The following CACNG7 variants were observed in gnomAD, a reference collection of about 807,000 sequenced individuals.
CACNG7 encodes the protein calcium voltage-gated channel auxiliary subunit gamma 7.
CACNG7 carries 9 observed loss-of-function variants against 26.3 expected under a neutral mutation model. That is an observed-to-expected ratio of 0.34 (90% CI 0.21 to 0.60). CACNG7 has a LOEUF of 0.60. Ranked by LOEUF, CACNG7 falls within the 20% of genes least tolerant of loss-of-function variation. The pLI is 0.81. For missense variants in CACNG7, 297 were observed against 380.4 expected (o/e 0.78, Z 1.82); for synonymous variants, 170 against 157.0 (o/e 1.08, Z -0.62).
chr19:53,921,083 TC>T (rs533393840), intron 4 of CACNG7, among the ~76,000 whole-genome samples: 3 of 80,556 alleles, frequency 3.7e-5, no homozygotes, highest in Non-Finnish European at 6.7e-5. Flanking sequence ...CCAGGTCTGG[TC>T]ATTGGTGGAG....
chr19:53,928,307 T>C (rs957388339), intron 4 of CACNG7, among the ~76,000 whole-genome samples: 1 of 152,168 alleles, frequency 6.6e-6, no homozygotes, highest in African/African-American at 2.4e-5. Context: ...TGTCTTGCTC[T>C]GTTGCCCAGG....
intron 4 of CACNG7, among the ~76,000 whole-genome samples, chr19:53,923,833 T>A (rs1346114986): frequency 2.3e-5 from 3 of 132,782 alleles, no homozygotes; most frequent in Non-Finnish European, 4.7e-5. Flanking sequence ...GGTCTGGTCA[T>A]TGGTGGAGTT....
At chr19:53,941,402 A>G in intron 4 of CACNG7, 68 bp from the exon 5 acceptor site, 2 of 1,448,136 alleles carry the variant, frequency 1.4e-6, no homozygotes, top group Non-Finnish European at 9.1e-7. Flanking sequence ...GAAGGCAGTG[A>G]GGTGGGGCTG....
intron 4 of CACNG7, among the ~76,000 whole-genome samples, chr19:53,926,446 T>C (rs1393806805): frequency 2.0e-5 from 3 of 152,084 alleles, no homozygotes; most frequent in Non-Finnish European, 2.9e-5. Context: ...ACCCTAATTC[T>C]CAGAAGCCTC....
chr19:53,938,235 C>T (rs1459744592), intron 4 of CACNG7, among the ~76,000 whole-genome samples: 2 of 152,082 alleles, frequency 1.3e-5, no homozygotes, highest in Non-Finnish European at 2.9e-5. Flanking sequence ...GTTGTCCCAG[C>T]TACTCATGAG....
At chr19:53,915,333 CT>C (rs2068889107) in intron 3 of CACNG7, 31 bp from the exon 4 acceptor site, 1 of 1,551,576 alleles carries the variant, frequency 6.4e-7, no homozygotes. Flanking sequence ...AGATTCCCCC[CT>C]CACCCCTGTC....
intron 4 of CACNG7, among the ~76,000 whole-genome samples, chr19:53,932,894 GCCTCC>G (rs1568782394): frequency 7.3e-6 from 1 of 137,346 alleles, no homozygotes; most frequent in Non-Finnish European, 1.5e-5. Flanking sequence ...TGCAACCTCC[GCCTCC>G]CAGGTTAAAG....
At chr19:53,934,196 T>C (rs112260020) in intron 4 of CACNG7, among the ~76,000 whole-genome samples, 10,033 of 152,270 alleles carry the variant, frequency 0.066, 1,129 homozygotes, top group African/African-American at 0.23. Flanking sequence ...TGCTCCCAGC[T>C]GCATCTTGAA....
intron 4 of CACNG7, among the ~76,000 whole-genome samples, chr19:53,921,287 TCAGGTCTGGTCATTGGTGGACTTGCCC>T (rs2068948080): frequency 2.7e-4 from 9 of 33,344 alleles, no homozygotes; most frequent in South Asian, 1.9e-3. Flanking sequence ...TGGAGTTGCC[TCAGGTCTGGTCATTGGTGGACTTGCCC>T]CAGGTCTGGT....
At position 53,942,672 on chromosome 19, in the gene CACNG7, G is replaced by A. The variant is rs867021820; in HGVS notation, c.*379G>A. 8.6e-5 allele frequency: 68 copies of A among 787,690 alleles called. No individual in the cohort carries two copies. In the African/African-American group the frequency reaches 1.2e-3, roughly 14 times the overall value. The allele number at this position is 787,690 out of a possible 1,614,324, so 48.8% of individuals were successfully genotyped here. ...CAGCTCCCCAGAGCTCCCCAACCTC[G>A]GACCTCACCGCAGGGGCGCTGGGCT... On this transcript the variant is annotated 3_prime_UTR_variant, in exon 6 of 6. Coordinates refer to ENST00000391767, the MANE Select transcript of CACNG7 (RefSeq NM_031896.5). The surrounding 1 kb of genome is among the most constrained non-coding windows in gnomAD (Gnocchi z 5.9).
At chr19:53,914,384 G>A in intron 2 of CACNG7, 116 bp from the exon 3 acceptor site, 1 of 754,622 alleles carries the variant, frequency 1.3e-6, no homozygotes, top group East Asian at 2.7e-5. Context: ...TAACCCTTGG[G>A]TTAGGCCTTG....
chr19:53,915,949 CT>C (rs1233289046), intron 4 of CACNG7, among the ~76,000 whole-genome samples: 1 of 152,154 alleles, frequency 6.6e-6, no homozygotes, highest in African/African-American at 2.4e-5. Flanking sequence ...TACAAGGCTG[CT>C]TATTTTCTGT....
At chr19:53,910,804 T>C (rs2068857441) in intron 1 of CACNG7, among the ~76,000 whole-genome samples, 1 of 152,142 alleles carries the variant, frequency 6.6e-6, no homozygotes, top group South Asian at 2.1e-4. Flanking sequence ...ATCTCCTGTT[T>C]GGAGTCTAAT....
chr19:53,934,608 T>TA (rs750263689), intron 4 of CACNG7, among the ~76,000 whole-genome samples: 145 of 143,112 alleles, frequency 1.0e-3, no homozygotes, highest in Admixed American at 1.1e-3. Context: ...CCCTGTCTCT[T>TA]AAAAAAAAAA....
chr19:53,918,662 G>C (rs2068913928), intron 4 of CACNG7, among the ~76,000 whole-genome samples: 2 of 152,190 alleles, frequency 1.3e-5, no homozygotes, highest in African/African-American at 2.4e-5. Context: ...ATAAATAAAT[G>C]TAGTAATGAT....
rs1297562260 is a variant in CACNG7, at chr19:53,929,122, C to CAA, written c.425-12333_425-12332dup. On this transcript the variant is annotated intron_variant, in intron 4 of 5. Coordinates refer to ENST00000391767, the MANE Select transcript of CACNG7 (RefSeq NM_031896.5). ...GTGAGACTCCACCTCAAAAAAAAAA[C>CAA]AAAAAAAAAAAAAAAAGAGAGAATA... Among the ~76,000 whole-genome samples the CAA allele has an allele frequency of 1.8e-3, 89 of 50,518 alleles. 2 individuals are homozygous for CAA. The highest frequency in any genetic ancestry group is 5.1e-3 in the African/African-American group (84 of 16,548). 33.1% of individuals were successfully genotyped at this position (50,518 alleles called of 152,430 possible). A position where few individuals can be genotyped will look rare whatever the true frequency, so the allele number is the denominator to read the frequency against.
chr19:53,922,114 G>C (rs2068962873), intron 4 of CACNG7, among the ~76,000 whole-genome samples: 1 of 118,090 alleles, frequency 8.5e-6, no homozygotes, highest in Admixed American at 8.2e-5. Flanking sequence ...GTCATTGGTG[G>C]AGTTGCCCCA....
intron 4 of CACNG7, among the ~76,000 whole-genome samples, chr19:53,923,862 G>A (rs2068992924): frequency 7.3e-6 from 1 of 137,810 alleles, no homozygotes; most frequent in Non-Finnish European, 1.5e-5. Flanking sequence ...CCTGGTCATT[G>A]GTGGAGTTGC....
At chr19:53,928,723 G>C (rs973842517) in intron 4 of CACNG7, among the ~76,000 whole-genome samples, 3 of 152,158 alleles carry the variant, frequency 2.0e-5, no homozygotes, top group African/African-American at 7.2e-5. Context: ...ACAATGAGGA[G>C]CCAAGGAAGA....
Sources: allele counts gnomAD v4.1 joint callset (sites outside exome capture counted in the v4.1 genomes callset), GRCh38; gene constraint gnomAD v4.1.1; non-coding constraint Gnocchi (gnomAD v3.1); transcripts MANE v1.5; gene names NCBI Gene and HGNC (gene_info 2026-07-23, HGNC 2026-07-21).